Variants in PARD3B observed in about 807,000 individuals in gnomAD.
PARD3B encodes par-3 family cell polarity regulator beta, also known as partitioning defective 3 homolog B.
PARD3B carries 103 observed loss-of-function variants against 130.2 expected under a neutral mutation model. That is an observed-to-expected ratio of 0.79 (90% CI 0.67 to 0.93). The LOEUF (loss-of-function observed/expected upper bound fraction) is 0.93, where lower values mean the gene tolerates loss of function less well. PARD3B is among the 40% of genes least tolerant of loss of function. The probability of loss-of-function intolerance (pLI) is 0.00; values close to 1 mark genes in which losing one functional copy is unlikely to be tolerated. For missense variants in PARD3B, 1,609 were observed against 1,499.2 expected, an observed-to-expected ratio of 1.07 and a Z score of -1.21; for synonymous variants, 583 against 553.2, an observed-to-expected ratio of 1.05 and a Z score of -0.76.
intron 2 of PARD3B, among the ~76,000 whole-genome samples, chr2:204,919,282 T>G (rs2047573051): frequency 6.6e-6 from 1 of 152,178 alleles, no homozygotes. Flanking sequence ...TATGATGAAA[T>G]GCACAAATCT....
At chr2:205,312,133 A>G (rs1200270917) in intron 18 of PARD3B, among the ~76,000 whole-genome samples, 2 of 152,214 alleles carry the variant, frequency 1.3e-5, no homozygotes, top group East Asian at 3.9e-4. Flanking sequence ...TCTCATGTAC[A>G]ATAAATGTAA....
chr2:205,587,988 T>TAGGC lies in PARD3B; in HGVS notation c.3261-27468_3261-27467insAGGC, dbSNP rs2054257649. 8.5e-5 allele frequency among the ~76,000 whole-genome samples: 13 copies of TAGGC among 152,194 alleles called. 1 individual carries two copies. The highest frequency in any genetic ancestry group is 8.5e-4 in the Admixed American group (13 of 15,280). ...GGGCAGGGCTTTGACTTTTCACCAC[T>TAGGC]GCCTCCTCTGCCTAGCACCTGCATG... On this transcript the variant is annotated intron_variant, in intron 22 of 22. Transcript: ENST00000406610.
chr2:205,211,437 G>T (rs1044745190), intron 15 of PARD3B, among the ~76,000 whole-genome samples: 2 of 152,060 alleles, frequency 1.3e-5, no homozygotes, highest in African/African-American at 4.8e-5. Flanking sequence ...AGACATATCA[G>T]TGACAACAGA....
intron 16 of PARD3B, among the ~76,000 whole-genome samples, chr2:205,266,657 G>T (rs2040516933): frequency 6.6e-6 from 1 of 151,998 alleles, no homozygotes; most frequent in Non-Finnish European, 1.5e-5. Flanking sequence ...TTTCTCCCTT[G>T]CTTCACTCTG....
At chr2:205,087,609 A>G (rs1045356354) in intron 4 of PARD3B, among the ~76,000 whole-genome samples, 1 of 152,202 alleles carries the variant, frequency 6.6e-6, no homozygotes, top group Admixed American at 6.5e-5. Flanking sequence ...AATGAGAGTA[A>G]TGAATGCAAT....
At chr2:204,592,936 C>T (rs763748890) in intron 1 of PARD3B, among the ~76,000 whole-genome samples, 23 of 152,148 alleles carry the variant, frequency 1.5e-4, no homozygotes, top group African/African-American at 5.1e-4. Context: ...AAGGTTCAAC[C>T]ATGTTGTAGC....
chr2:204,907,622 G>A lies in PARD3B; in HGVS notation c.223-57530G>A, dbSNP rs541644796. 3.9e-5 allele frequency among the ~76,000 whole-genome samples: 6 copies of A among 152,108 alleles called. No homozygotes were observed. The highest frequency in any genetic ancestry group is 2.0e-4 in the Admixed American group (3 of 15,270). ...TTGATCAGTGTTTGGTCATAAAATT[G>A]TGTCTCTTTATAGATATTATAAGAC... On this transcript the variant is annotated intron_variant, in intron 2 of 22. Transcript: ENST00000406610. The surrounding 1 kb of genome is among the most constrained non-coding windows in gnomAD (Gnocchi z 5.7).
intron 4 of PARD3B, among the ~76,000 whole-genome samples, chr2:205,087,755 T>A (rs1701829457): frequency 6.6e-6 from 1 of 152,188 alleles, no homozygotes; most frequent in Admixed American, 6.5e-5. Context: ...CGTGTTAGTA[T>A]TAGGCATTTC....
intron 19 of PARD3B, among the ~76,000 whole-genome samples, chr2:205,428,798 T>TC (rs1384520685): frequency 5.3e-5 from 8 of 152,090 alleles, no homozygotes; most frequent in Non-Finnish European, 1.0e-4. Flanking sequence ...GGGCTTTTTT[T>TC]CCCCCAGAAA....
intron 2 of PARD3B, among the ~76,000 whole-genome samples, chr2:204,946,822 G>T (rs1237426515): frequency 6.6e-6 from 1 of 152,176 alleles, no homozygotes; most frequent in Non-Finnish European, 1.5e-5. Flanking sequence ...ATCTGACATT[G>T]TAAAGTCCAG....
intron 2 of PARD3B, among the ~76,000 whole-genome samples, chr2:204,954,180 A>G (rs1205796212): frequency 1.3e-5 from 2 of 152,214 alleles, no homozygotes; most frequent in Non-Finnish European, 2.9e-5. Flanking sequence ...ATTAGAAGCT[A>G]AAGGAAAAGG....
intron 1 of PARD3B, among the ~76,000 whole-genome samples, chr2:204,553,612 G>GTATATATATT (rs1559152140): frequency 1.1e-5 from 1 of 88,462 alleles, no homozygotes; most frequent in Non-Finnish European, 2.3e-5. Context: ...GTATATATAT[G>GTATATATATT]GCTATATACA....
rs569664332 is a variant in PARD3B, at chr2:204,816,334, A to G, written c.222+130052A>G. On this transcript the variant is annotated intron_variant, in intron 2 of 22. Transcript: ENST00000406610. The stretch of plus-strand genomic sequence containing the variant: ...AAAAGTATTTGCCTATGTCTTACCA[A>G]ATCCGATGCTCTTCTTCTTTGTGTA... Among the ~76,000 whole-genome samples, 11 of 152,016 alleles carry G rather than the reference A, an allele frequency of 7.2e-5. No individual in the cohort carries two copies. The South Asian group carries it at 1.9e-3, about 26-fold the overall frequency.
chr2:205,437,900 G>A (rs950676926), intron 19 of PARD3B, among the ~76,000 whole-genome samples: 20 of 152,092 alleles, frequency 1.3e-4, no homozygotes, highest in African/African-American at 4.6e-4. Flanking sequence ...AAACCTCTAA[G>A]TGGAAATGAC....
intron 2 of PARD3B, among the ~76,000 whole-genome samples, chr2:204,699,338 C>T (rs1274526310): frequency 1.3e-5 from 2 of 152,090 alleles, no homozygotes; most frequent in African/African-American, 4.8e-5. Context: ...ACTTCATGTC[C>T]AAGCAATATA....
chr2:205,214,295 A>G (rs985595267), intron 15 of PARD3B, among the ~76,000 whole-genome samples: 1 of 152,082 alleles, frequency 6.6e-6, no homozygotes, highest in South Asian at 2.1e-4. Flanking sequence ...ACACAGTGCC[A>G]TGGGAATTAT....
intron 1 of PARD3B, among the ~76,000 whole-genome samples, chr2:204,608,947 G>A (rs988689890): frequency 2.0e-5 from 3 of 152,130 alleles, no homozygotes; most frequent in Admixed American, 6.5e-5. Flanking sequence ...TCTCCCTGTA[G>A]CATAAATAAT....
chr2:204,559,328 A>C (rs961240190), intron 1 of PARD3B, among the ~76,000 whole-genome samples: 1 of 152,154 alleles, frequency 6.6e-6, no homozygotes, highest in African/African-American at 2.4e-5. Context: ...TCTACAAAGA[A>C]CTTAAACAAA....
intron 3 of PARD3B, among the ~76,000 whole-genome samples, chr2:205,003,561 G>A (rs947655970): frequency 4.6e-5 from 7 of 152,154 alleles, no homozygotes; most frequent in Admixed American, 6.5e-5. Context: ...CGCCTTCTCA[G>A]TAAGCTCTGT....
Sources: allele counts gnomAD v4.1 joint callset (sites outside exome capture counted in the v4.1 genomes callset), GRCh38; gene constraint gnomAD v4.1.1; non-coding constraint Gnocchi (gnomAD v3.1); transcripts MANE v1.5; gene names NCBI Gene and HGNC (gene_info 2026-07-23, HGNC 2026-07-21).